Variants in PPIL3 observed in about 807,000 individuals in gnomAD.
PPIL3 encodes peptidylprolyl isomerase like 3.
PPIL3 carries 13 observed loss-of-function variants against 20.9 expected under a neutral mutation model. That is an observed-to-expected ratio of 0.62 (90% CI 0.40 to 0.99). PPIL3 has a LOEUF of 0.99. Ranked by LOEUF, PPIL3 falls within the 50% of genes least tolerant of loss-of-function variation. PPIL3 has a pLI of 0.00. For synonymous variants in PPIL3, 71 were observed against 64.4 expected, an observed-to-expected ratio of 1.10 and a Z score of -0.49; for missense variants, 170 against 195.2, an observed-to-expected ratio of 0.87 and a Z score of 0.77.
chr2:200,871,664 G>A (rs2039310614), intron 6 of PPIL3, 143 bp from the exon 7 acceptor site: 2 of 709,998 alleles, frequency 2.8e-6, no homozygotes, highest in Non-Finnish European at 4.5e-6. Flanking sequence ...ACAAAATGTT[G>A]ATTTTCCATC....
chr2:200,888,838 C>G, intron 1 of PPIL3, 118 bp downstream of exon 1: 1 of 449,270 alleles, frequency 2.2e-6, no homozygotes, highest in Non-Finnish European at 4.7e-6. Flanking sequence ...GACGTTGCAA[C>G]AACAGCCTCG....
Position 200,881,688 on chromosome 2 carries a change from C to A in PPIL3, c.173-200G>T, listed in dbSNP as rs1239501198. ...CTACAAAAAACAAAAAAGAATAACC[C>A]TCCTTATAAATATTGTTCATATATA... is the stretch of plus-strand genomic sequence containing the variant. On this transcript the variant is annotated intron_variant, in intron 4 of 6. Coordinates refer to ENST00000392283, the MANE Select transcript of PPIL3 (RefSeq NM_130906.3). The A allele has an allele frequency of 9.4e-6, 5 of 534,462 alleles. No homozygotes were observed. The South Asian group carries it at 1.3e-4, about 14-fold the overall frequency. The allele number at this position is 534,462 out of a possible 1,614,324, so 33.1% of individuals were successfully genotyped here.
intron 3 of PPIL3, among the ~76,000 whole-genome samples, chr2:200,882,895 CAA>C (rs758646970): frequency 1.4e-5 from 1 of 73,868 alleles, no homozygotes; most frequent in Non-Finnish European, 2.8e-5. Flanking sequence ...GACTCCGTCT[CAA>C]AAAAAAAAAA....
At chr2:200,876,777 C>G (rs1343429300) in intron 6 of PPIL3, 142 bp downstream of exon 6, 1 of 666,136 alleles carries the variant, frequency 1.5e-6, no homozygotes, top group African/African-American at 1.8e-5. Flanking sequence ...CCCACCTTGG[C>G]CTCCCAAAGT....
At chr2:200,876,559 C>T (rs1368783724) in intron 6 of PPIL3, among the ~76,000 whole-genome samples, 2 of 150,406 alleles carry the variant, frequency 1.3e-5, no homozygotes, top group Non-Finnish European at 3.0e-5. Flanking sequence ...ACTCTGTCGC[C>T]CAGGCTGGAG....
At chr2:200,879,465 C>A (rs1359809247) in intron 5 of PPIL3, among the ~76,000 whole-genome samples, 1 of 152,072 alleles carries the variant, frequency 6.6e-6, no homozygotes, top group Non-Finnish European at 1.5e-5. Flanking sequence ...ATCTAGGAAC[C>A]TTAAAATATA....
intron 4 of PPIL3, among the ~76,000 whole-genome samples, chr2:200,882,110 T>A (rs1292879937): frequency 6.6e-6 from 1 of 152,140 alleles, no homozygotes; most frequent in Non-Finnish European, 1.5e-5. Context: ...TTAGGACGAA[T>A]AGCTAATGCA....
At chr2:200,882,235 CA>C in intron 4 of PPIL3, 106 bp downstream of exon 4, 1 of 786,226 alleles carries the variant, frequency 1.3e-6, no homozygotes, top group Non-Finnish European at 2.1e-6. Context: ...ACTTATTAAA[CA>C]AAACAAAACA....
At chr2:200,874,199 T>C (rs1217165102) in intron 6 of PPIL3, among the ~76,000 whole-genome samples, 2 of 140,246 alleles carry the variant, frequency 1.4e-5, no homozygotes, top group Non-Finnish European at 1.5e-5. Context: ...AGTGAGACTC[T>C]GTCTCAAAAA....
chr2:200,881,330 A>T, intron 5 of PPIL3, 91 bp downstream of exon 5: 14 of 927,128 alleles, frequency 1.5e-5, no homozygotes, highest in Non-Finnish European at 2.3e-5. Context: ...TTTTGCAATG[A>T]TGTTAACTTG....
intron 3 of PPIL3, chr2:200,885,474 A>G: frequency 2.2e-6 from 1 of 444,562 alleles, no homozygotes; most frequent in South Asian, 4.9e-5. Flanking sequence ...AGAAAAAGAT[A>G]CTGGCTACTC....
intron 6 of PPIL3, among the ~76,000 whole-genome samples, chr2:200,872,060 A>G (rs2039324065): frequency 6.6e-6 from 1 of 152,166 alleles, no homozygotes; most frequent in African/African-American, 2.4e-5. Flanking sequence ...ACCCCGGTTA[A>G]TCCCACAAGA....
intron 6 of PPIL3, among the ~76,000 whole-genome samples, chr2:200,874,763 A>T (rs1391054706): frequency 6.6e-6 from 1 of 152,168 alleles, no homozygotes; most frequent in Non-Finnish European, 1.5e-5. Flanking sequence ...AATTAGATAC[A>T]TGTATATGGA....
intron 5 of PPIL3, 58 bp from the exon 6 acceptor site, chr2:200,877,095 T>C: frequency 8.8e-7 from 1 of 1,134,290 alleles, no homozygotes; most frequent in Non-Finnish European, 1.3e-6. Context: ...CCAAATATAG[T>C]ATTGAAACAA....
Position 200,871,257 on chromosome 2 carries a change from T to C in PPIL3, c.*138A>G. 1 of 855,730 alleles carries C rather than the reference T, an allele frequency of 1.2e-6. No homozygotes were observed. The highest frequency in any genetic ancestry group is 1.7e-6 in the Non-Finnish European group (1 of 581,628). The allele number at this position is 855,730 out of a possible 1,614,324, so 53.0% of individuals were successfully genotyped here. A position where few individuals can be genotyped will look rare whatever the true frequency, so the allele number is the denominator to read the frequency against. On this transcript the variant is annotated 3_prime_UTR_variant, in exon 7 of 7. Coordinates refer to ENST00000392283, the MANE Select transcript of PPIL3 (RefSeq NM_130906.3). ...GGGATAAAAGCTGTTGGGCGCCCCT[T>C]GGTACCACCATTTCATAGAAGATCA... is the stretch of plus-strand genomic sequence containing the variant.
At position 200,871,518 on chromosome 2, in the gene PPIL3, T is replaced by C. The variant is rs143136349; in HGVS notation, c.363A>G (p.Val121=). Residue 121 remains valine, a synonymous_variant, in exon 7 of 7, where the codon GTA becomes GTG. Coordinates refer to ENST00000392283, the MANE Select transcript of PPIL3 (RefSeq NM_130906.3). Reference sequence around the variant, plus strand: ...CATCTAGAGTTTCCAGACCATCTATTACCCTGAAAGAGAAACAACATAACA... The same window carrying C: ...CATCTAGAGTTTCCAGACCATCTATCACCCTGAAAGAGAAACAACATAACA... The part of the protein sequence containing the change: ...LDMKYTVFGK[V]IDGLETLDEL... The C allele has an allele frequency of 6.2e-7, 1 of 1,611,086 alleles. No individual in the cohort carries two copies. The highest frequency in any genetic ancestry group is 1.7e-4 in the Middle Eastern group (1 of 6,046).
intron 6 of PPIL3, among the ~76,000 whole-genome samples, chr2:200,873,917 A>G (rs1316878360): frequency 1.3e-5 from 2 of 150,848 alleles, no homozygotes; most frequent in Non-Finnish European, 3.0e-5. Context: ...AAATTAACAG[A>G]TTTGTAGGCC....
intron 6 of PPIL3, among the ~76,000 whole-genome samples, chr2:200,875,336 T>C (rs932747639): frequency 1.3e-5 from 2 of 152,022 alleles, no homozygotes; most frequent in Non-Finnish European, 1.5e-5. Context: ...GGCGCAATCT[T>C]GGCTCACTGC....
chr2:200,871,529 A>C lies in PPIL3; in HGVS notation c.360-8T>G. 1 of 1,608,588 alleles carries C rather than the reference A, an allele frequency of 6.2e-7. No individual in the cohort carries two copies. The highest frequency in any genetic ancestry group is 1.3e-5 in the African/African-American group (1 of 74,764). On this transcript the variant is annotated splice_polypyrimidine_tract_variant and splice_region_variant and intron_variant, in intron 6 of 6. Transcript: ENST00000392283. ...TCCAGACCATCTATTACCCTGAAAG[A>C]GAAACAACATAACATATGAAAATTT...
Sources: allele counts gnomAD v4.1 joint callset (sites outside exome capture counted in the v4.1 genomes callset), GRCh38; gene constraint gnomAD v4.1.1; transcripts MANE v1.5; gene names NCBI Gene and HGNC (gene_info 2026-07-23, HGNC 2026-07-21).